Variants in AMMECR1L observed in about 807,000 individuals in gnomAD.
The protein encoded by AMMECR1L is AMMECR1 like.
Under a neutral mutation model 36.8 loss-of-function variants are expected in AMMECR1L, and 4 were observed. The observed-to-expected ratio is 0.11, with a 90% CI of 0.05 to 0.25. The LOEUF is 0.25. AMMECR1L is among the 10% of genes least tolerant of loss of function. The pLI, the probability that AMMECR1L is intolerant of heterozygous loss-of-function variation, is 1.00. For synonymous variants in AMMECR1L, 147 were observed against 148.0 expected (o/e 0.99, Z 0.05); for missense variants, 232 against 392.1 (o/e 0.59, Z 3.45).
rs1368017858 is a variant in AMMECR1L, at chr2:127,885,126, G to A, written c.-149+684C>T. 6 of 984,900 alleles carry A rather than the reference G, an allele frequency of 6.1e-6. No individual in the cohort carries two copies. The African/African-American group carries it at 7.0e-5, about 11-fold the overall frequency. The allele number at this position is 984,900 out of a possible 1,614,324, so 61.0% of individuals were successfully genotyped here. A position where few individuals can be genotyped will look rare whatever the true frequency, so the allele number is the denominator to read the frequency against. ...ATGAAACCCAGCGTGTCAGGTGGAC[G>A]GATCATGGAATGGGGGGCCAGCGGA... On this transcript the variant is annotated intron_variant, in intron 1 of 7. Coordinates refer to ENST00000272647, the MANE Select transcript of AMMECR1L (RefSeq NM_001199140.2).
chr2:127,868,417 A>C (rs1326750498), intron 6 of AMMECR1L, among the ~76,000 whole-genome samples: 1 of 152,244 alleles, frequency 6.6e-6, no homozygotes, highest in Admixed American at 6.5e-5. Context: ...TGCCACATAT[A>C]CACTGCTCTT....
At position 127,872,934 on chromosome 2, in the gene AMMECR1L, C is replaced by T. The variant is rs868582629; in HGVS notation, c.407+894G>A. 8 of 939,486 alleles carry T rather than the reference C, an allele frequency of 8.5e-6. No homozygotes were observed. The South Asian group carries it at 3.0e-4, about 35-fold the overall frequency. The allele number at this position is 939,486 out of a possible 1,614,324, so 58.2% of individuals were successfully genotyped here. On this transcript the variant is annotated intron_variant, in intron 3 of 7. Coordinates refer to ENST00000272647, the MANE Select transcript of AMMECR1L (RefSeq NM_001199140.2). ...CCTCCAGGTTTCCTCTCCTCTGACACACTCACAGAGAACAACTTCCCCTTA... is the reference window on the plus strand; with the variant it reads ...CCTCCAGGTTTCCTCTCCTCTGACATACTCACAGAGAACAACTTCCCCTTA...
chr2:127,872,883 G>T, intron 3 of AMMECR1L: 1 of 636,808 alleles, frequency 1.6e-6, no homozygotes, highest in Non-Finnish European at 2.0e-6. Flanking sequence ...CCAGGGTGAC[G>T]GTTCCCAAAA....
At chr2:127,875,507 G>GTGT (rs1373156552) in intron 2 of AMMECR1L, among the ~76,000 whole-genome samples, 2 of 152,098 alleles carry the variant, frequency 1.3e-5, no homozygotes, top group Non-Finnish European at 2.9e-5. Context: ...AGTATTTCAG[G>GTGT]TGTAAATTCT....
rs958673769 is a variant in AMMECR1L, at chr2:127,862,832, T to C, written c.*2262A>G. ...CTCGGGTTTTAAAATTTTCTATTCATTTTCTTAAATGGCAGGTATCGTACC... is the reference window on the plus strand; with the variant it reads ...CTCGGGTTTTAAAATTTTCTATTCACTTTCTTAAATGGCAGGTATCGTACC... On this transcript the variant is annotated 3_prime_UTR_variant, in exon 8 of 8. Coordinates refer to ENST00000272647, the MANE Select transcript of AMMECR1L (RefSeq NM_001199140.2). The C allele has an allele frequency of 1.8e-4, 28 of 152,100 alleles. No individual in the cohort carries two copies. The highest frequency in any genetic ancestry group is 6.5e-4 in the African/African-American group (27 of 41,324). 9.4% of individuals were successfully genotyped at this position (152,100 alleles called of 1,614,324 possible). A position where few individuals can be genotyped will look rare whatever the true frequency, so the allele number is the denominator to read the frequency against.
chr2:127,882,210 G>T (rs894688456), intron 2 of AMMECR1L, among the ~76,000 whole-genome samples: 1 of 151,984 alleles, frequency 6.6e-6, no homozygotes, highest in African/African-American at 2.4e-5. Flanking sequence ...CAGCTTATTC[G>T]AGGGCACGAT....
rs1325684443 is a variant in AMMECR1L, at chr2:127,862,040, C to CA, written c.*3053dup. The CA allele has an allele frequency of 6.6e-6, 1 of 152,458 alleles. No homozygotes were observed. Among genetic ancestry groups the CA allele is most frequent in the Admixed American group, 6.6e-5 (1 of 15,254 alleles). The allele number at this position is 152,458 out of a possible 1,614,324, so 9.4% of individuals were successfully genotyped here. On this transcript the variant is annotated 3_prime_UTR_variant, in exon 8 of 8. Transcript: ENST00000272647. Reference sequence around the variant, plus strand: ...CATGAGTTGTTTTATTATTATGAAGCAAAAAAGTTTTAAGAATCTCACAGT... The same window carrying CA: ...CATGAGTTGTTTTATTATTATGAAGCAAAAAAAGTTTTAAGAATCTCACAGT...
chr2:127,870,747 T>C (rs753321250), intron 5 of AMMECR1L, 67 bp downstream of exon 5: 42 of 1,209,568 alleles, frequency 3.5e-5, no homozygotes, highest in South Asian at 1.2e-4. Flanking sequence ...AGGAGATACA[T>C]TGCCATGTAC....
chr2:127,876,789 G>A (rs190052322), intron 2 of AMMECR1L, among the ~76,000 whole-genome samples: 2 of 152,192 alleles, frequency 1.3e-5, no homozygotes, highest in African/African-American at 4.8e-5. Context: ...AGGCCGAGGT[G>A]GGCGGATCAC....
At position 127,877,336 on chromosome 2, in the gene AMMECR1L, A is replaced by AT. The variant is rs71394702; in HGVS notation, c.-38-3065dup. 1.9e-3 allele frequency among the ~76,000 whole-genome samples: 267 copies of AT among 139,376 alleles called. 1 individual carries two copies. Among genetic ancestry groups the AT allele is most frequent in the Admixed American group, 2.4e-3 (33 of 13,996 alleles). 91.4% of individuals were successfully genotyped at this position (139,376 alleles called of 152,430 possible). A position where few individuals can be genotyped will look rare whatever the true frequency, so the allele number is the denominator to read the frequency against. On this transcript the variant is annotated intron_variant, in intron 2 of 7. Transcript: ENST00000272647. ...ACTGCCACTAAGTGGCAGCGCTAGA[A>AT]TTTTTTTTTTTTTTTTTGAGACAAA...
At chr2:127,877,036 C>CAT (rs10568778) in intron 2 of AMMECR1L, among the ~76,000 whole-genome samples, 3,280 of 142,090 alleles carry the variant, frequency 0.023, 81 homozygotes, top group African/African-American at 0.055. Flanking sequence ...TATATATATA[C>CAT]ATATATATAT....
At chr2:127,885,181 G>A (rs182332232) in intron 1 of AMMECR1L, 8 of 985,270 alleles carry the variant, frequency 8.1e-6, no homozygotes, top group Admixed American at 1.2e-4. Context: ...AAGAGTAGGG[G>A]TGCGAAAAAG....
rs1344665911 is a variant in AMMECR1L, at chr2:127,869,146, A to G, written c.724+308T>C. Among the ~76,000 whole-genome samples the G allele has an allele frequency of 1.3e-5, 2 of 152,200 alleles. No individual in the cohort carries two copies. Among genetic ancestry groups the G allele is most frequent in the African/African-American group, 4.8e-5 (2 of 41,444 alleles). On this transcript the variant is annotated intron_variant, in intron 6 of 7. Transcript: ENST00000272647. The surrounding 1 kb of genome is among the most constrained non-coding windows in gnomAD (Gnocchi z 4.7). Reference sequence around the variant, plus strand: ...TGAATTCTACAATATGGTCAGGTTGATTGGTGGTATTTTGCTACAATTGCC... The same window carrying G: ...TGAATTCTACAATATGGTCAGGTTGGTTGGTGGTATTTTGCTACAATTGCC...
intron 2 of AMMECR1L, among the ~76,000 whole-genome samples, chr2:127,877,329 C>A (rs561324275): frequency 3.0e-5 from 4 of 134,336 alleles, no homozygotes; most frequent in Admixed American, 7.5e-5. Flanking sequence ...TAAGTGGCAG[C>A]GCTAGAATTT....
chr2:127,880,905 T>C (rs1236273548), intron 2 of AMMECR1L, among the ~76,000 whole-genome samples: 2 of 152,172 alleles, frequency 1.3e-5, no homozygotes, highest in African/African-American at 4.8e-5. Flanking sequence ...CAAGCACCTA[T>C]TCTTATCAAC....
intron 2 of AMMECR1L, among the ~76,000 whole-genome samples, chr2:127,882,121 C>A (rs1239118821): frequency 6.6e-6 from 1 of 152,148 alleles, no homozygotes; most frequent in East Asian, 1.9e-4. Flanking sequence ...TTTCACACAA[C>A]CACCAGATTA....
At chr2:127,868,535 C>A (rs985248097) in intron 6 of AMMECR1L, among the ~76,000 whole-genome samples, 2 of 152,236 alleles carry the variant, frequency 1.3e-5, no homozygotes, top group Non-Finnish European at 2.9e-5. Context: ...TAGGCTCATA[C>A]CCAACAAATA....
In AMMECR1L at chr2:127,870,902, G is replaced by T; in HGVS notation, c.545C>A (p.Pro182His). The change falls in exon 5 of 8, where the codon CCC becomes CAC. Residue 182 changes from proline (P) to histidine (H), a missense_variant. Around this residue, in one of 3 missense-constraint regions of AMMECR1L, gnomAD observed 83 missense variants for 229.5 expected, o/e 0.36. Coordinates refer to ENST00000272647, the MANE Select transcript of AMMECR1L (RefSeq NM_001199140.2). Reference protein sequence around the residue: ...TSALKDSRFPPLTREELPKLF... With the variant: ...TSALKDSRFPHLTREELPKLF... ...TTTAGGCAGCTCCTCTCGGGTCAGGGGGGGAAATCGGCTGTCCTTAAGTGC... is the reference window on the plus strand; with the variant it reads ...TTTAGGCAGCTCCTCTCGGGTCAGGTGGGGAAATCGGCTGTCCTTAAGTGC... 6.2e-7 allele frequency: 1 copy of T among 1,613,578 alleles called. No homozygotes were observed. The highest frequency in any genetic ancestry group is 8.5e-7 in the Non-Finnish European group (1 of 1,179,826).
chr2:127,874,866 G>C lies in AMMECR1L; in HGVS notation c.-38-594C>G, dbSNP rs1165493154. 6.6e-6 allele frequency among the ~76,000 whole-genome samples: 1 copy of C among 152,212 alleles called. No homozygotes were observed. Among genetic ancestry groups the C allele is most frequent in the African/African-American group, 2.4e-5 (1 of 41,452 alleles). On this transcript the variant is annotated intron_variant, in intron 2 of 7. Transcript: ENST00000272647. This position sits in a 1 kb window ranked among gnomAD's most constrained non-coding sequence, Gnocchi z 5.2. The stretch of plus-strand genomic sequence containing the variant: ...AGGCTCCCACCTTTCTGTCTCTGCA[G>C]CTCTCCTCCTCCAGCCCCCTCATTC...
Sources: gnomAD v4.1 joint callset for allele counts (sites outside exome capture counted in the v4.1 genomes callset) on GRCh38, gnomAD v4.1.1 for gene constraint, gnomAD v4.1.1 regional missense constraint, Gnocchi (gnomAD v3.1) non-coding constraint, MANE v1.5 for transcripts, NCBI Gene and HGNC (gene_info 2026-07-23, HGNC 2026-07-21) for gene names.